The following SEMA3E variants were observed in gnomAD, a reference collection of about 807,000 sequenced individuals.
SEMA3E encodes the protein semaphorin 3E.
A neutral mutation model predicts 93.6 loss-of-function variants in SEMA3E; 49 were observed. That is an observed-to-expected ratio of 0.52 (90% CI 0.42 to 0.66). SEMA3E has a LOEUF of 0.66. Ranked by LOEUF, SEMA3E falls within the 30% of genes least tolerant of loss-of-function variation. The pLI is 0.00. For missense variants in SEMA3E, 906 were observed against 964.8 expected (o/e 0.94, Z 0.81); for synonymous variants, 363 against 330.7 (o/e 1.10, Z -1.06).
At chr7:83,437,690 T>C (rs548048404) in intron 4 of SEMA3E, among the ~76,000 whole-genome samples, 3 of 152,340 alleles carry the variant, frequency 2.0e-5, no homozygotes, top group Non-Finnish European at 4.4e-5. Flanking sequence ...AGCAGTTATA[T>C]TCTTAGTCTT....
chr7:83,576,237 T>C (rs1792399668), intron 1 of SEMA3E, among the ~76,000 whole-genome samples: 1 of 152,228 alleles, frequency 6.6e-6, no homozygotes, highest in African/African-American at 2.4e-5. Flanking sequence ...TTTTCAAATT[T>C]AGCAGTACTC....
intron 1 of SEMA3E, among the ~76,000 whole-genome samples, chr7:83,519,930 C>A (rs1436058327): frequency 6.6e-6 from 1 of 152,026 alleles, no homozygotes; most frequent in African/African-American, 2.4e-5. Flanking sequence ...ACTAGATTAC[C>A]TTATCTGTCC....
rs148942168 is a variant in SEMA3E, at chr7:83,474,206, C to T, written c.277-4904G>A. On this transcript the variant is annotated intron_variant, in intron 2 of 16. Transcript: ENST00000643230. ...ATGTAAATCCCAGAAGTGAAAGAGG[C>T]TTGTCACTTAACTTATACATTATGT... Among the ~76,000 whole-genome samples, 413 of 151,596 alleles carry T rather than the reference C, an allele frequency of 2.7e-3. 3 individuals carry two copies. Among genetic ancestry groups the T allele is most frequent in the African/African-American group, 9.3e-3 (383 of 41,308 alleles).
chr7:83,626,574 G>A (rs530803236), intron 1 of SEMA3E, among the ~76,000 whole-genome samples: 9 of 151,972 alleles, frequency 5.9e-5, no homozygotes, highest in East Asian at 1.9e-4. Flanking sequence ...GTTTTTTATC[G>A]TGTCAATTTG....
At chr7:83,511,496 A>G (rs1437055962) in intron 1 of SEMA3E, among the ~76,000 whole-genome samples, 1 of 152,098 alleles carries the variant, frequency 6.6e-6, no homozygotes, top group Non-Finnish European at 1.5e-5. Context: ...AAACATTTCT[A>G]AGTGGGTAAG....
chr7:83,567,271 T>C (rs1359238740), intron 1 of SEMA3E, among the ~76,000 whole-genome samples: 1 of 152,082 alleles, frequency 6.6e-6, no homozygotes, highest in Non-Finnish European at 1.5e-5. Flanking sequence ...AAACAAATAT[T>C]AGATGAAGGG....
chr7:83,525,356 G>A (rs1791134397), intron 1 of SEMA3E, among the ~76,000 whole-genome samples: 1 of 151,932 alleles, frequency 6.6e-6, no homozygotes, highest in Non-Finnish European at 1.5e-5. Context: ...TTTGGTATGA[G>A]TTTGTTTTCA....
chr7:83,394,201 T>G (rs183211975), intron 13 of SEMA3E, 96 bp downstream of exon 13: 1 of 1,298,098 alleles, frequency 7.7e-7, no homozygotes, highest in Non-Finnish European at 1.1e-6. Context: ...TAAGTTCATA[T>G]TTAAGCACAT....
intron 1 of SEMA3E, among the ~76,000 whole-genome samples, chr7:83,617,104 T>G (rs1793386698): frequency 6.6e-6 from 1 of 152,150 alleles, no homozygotes; most frequent in African/African-American, 2.4e-5. Context: ...TAAGAATTAT[T>G]GTTTTAAATA....
At chr7:83,631,674 C>G (rs552563692) in intron 1 of SEMA3E, among the ~76,000 whole-genome samples, 36 of 152,286 alleles carry the variant, frequency 2.4e-4, no homozygotes, top group Middle Eastern at 3.4e-3. Flanking sequence ...CACATATGAT[C>G]TACATTCTAG....
intron 1 of SEMA3E, among the ~76,000 whole-genome samples, chr7:83,596,448 CAT>C (rs1264005221): frequency 5.9e-5 from 9 of 151,930 alleles, no homozygotes; most frequent in African/African-American, 2.2e-4. Flanking sequence ...AGAAAGGAGA[CAT>C]ATGTATGTAT....
At chr7:83,521,033 T>C (rs973339430) in intron 1 of SEMA3E, among the ~76,000 whole-genome samples, 4 of 150,996 alleles carry the variant, frequency 2.6e-5, no homozygotes, top group Non-Finnish European at 5.9e-5. Flanking sequence ...TTGTTTTCAT[T>C]GCAGTTAGTG....
At chr7:83,629,215 C>T (rs1279225489) in intron 1 of SEMA3E, among the ~76,000 whole-genome samples, 2 of 152,142 alleles carry the variant, frequency 1.3e-5, no homozygotes, top group Non-Finnish European at 2.9e-5. Context: ...AGTTGCTAGC[C>T]GGAGCTCTCC....
intron 13 of SEMA3E, among the ~76,000 whole-genome samples, chr7:83,393,039 CAAA>C (rs59283673): frequency 6.2e-5 from 8 of 128,858 alleles, no homozygotes; most frequent in Non-Finnish European, 8.0e-5. Context: ...AACTCCATCT[CAAA>C]AAAAAAAAAA....
intron 5 of SEMA3E, 148 bp from the exon 6 acceptor site, chr7:83,408,635 TCC>T: frequency 1.0e-6 from 1 of 974,084 alleles, no homozygotes; most frequent in Non-Finnish European, 1.5e-6. Flanking sequence ...ATAGTAAGAC[TCC>T]CAGGGTTTGA....
chr7:83,391,179 T>C (rs1377119702), intron 14 of SEMA3E, among the ~76,000 whole-genome samples: 1 of 152,150 alleles, frequency 6.6e-6, no homozygotes, highest in Non-Finnish European at 1.5e-5. Flanking sequence ...ACTGGAATTT[T>C]CTTATATCTC....
chr7:83,458,641 C>A (rs993169430), intron 4 of SEMA3E, among the ~76,000 whole-genome samples: 1 of 151,616 alleles, frequency 6.6e-6, no homozygotes. Context: ...GCTAATATAC[C>A]TTTCAAGTAA....
chr7:83,455,676 G>A (rs1000809176), intron 4 of SEMA3E, among the ~76,000 whole-genome samples: 6 of 152,184 alleles, frequency 3.9e-5, no homozygotes. Flanking sequence ...TCATTGTCAT[G>A]ATGAAGCTGT....
At chr7:83,487,646 G>A (rs1790290265) in intron 2 of SEMA3E, among the ~76,000 whole-genome samples, 1 of 150,392 alleles carries the variant, frequency 6.6e-6, no homozygotes, top group African/African-American at 2.4e-5. Context: ...ACCAAGAAGT[G>A]AGAGAAAAAC....
Sources: gnomAD v4.1 joint callset for allele counts (sites outside exome capture counted in the v4.1 genomes callset) on GRCh38, gnomAD v4.1.1 for gene constraint, MANE v1.5 for transcripts, NCBI Gene and HGNC (gene_info 2026-07-23, HGNC 2026-07-21) for gene names.